Variants in NEBL observed in about 807,000 individuals in gnomAD.
NEBL encodes LIM and SH3 protein 2.
In NEBL, 122 loss-of-function variants were observed where a neutral mutation model predicts 140.2. The ratio of observed to expected loss-of-function variants is 0.87; its 90% CI spans 0.75 to 1.01. The LOEUF is 1.01. NEBL is among the 50% of genes least tolerant of loss of function. The pLI, the probability that NEBL is intolerant of heterozygous loss-of-function variation, is 0.00. For missense variants in NEBL, 1,365 were observed against 1,231.3 expected, an observed-to-expected ratio of 1.11 and a Z score of -1.62; for synonymous variants, 436 against 398.9, an observed-to-expected ratio of 1.09 and a Z score of -1.11.
At chr10:21,137,522 C>T (rs183702573) in intron 2 of NEBL, among the ~76,000 whole-genome samples, 17 of 152,334 alleles carry the variant, frequency 1.1e-4, no homozygotes, top group African/African-American at 4.1e-4. Context: ...TCTAAGAACA[C>T]TACGGCTACT....
chr10:21,020,443 A>G (rs1285062406), intron 2 of NEBL, among the ~76,000 whole-genome samples: 3 of 151,978 alleles, frequency 2.0e-5, no homozygotes, highest in Admixed American at 6.6e-5. Flanking sequence ...TTCTAAGCGC[A>G]TCTTCACCCA....
chr10:20,792,044 A>C (rs1836039430), intron 26 of NEBL, among the ~76,000 whole-genome samples: 1 of 152,054 alleles, frequency 6.6e-6, no homozygotes, highest in Non-Finnish European at 1.5e-5. Flanking sequence ...TTAAGGTTTC[A>C]AGTCATCAAA....
chr10:21,073,223 T>A (rs1378292822), intron 2 of NEBL, among the ~76,000 whole-genome samples: 2 of 151,624 alleles, frequency 1.3e-5, no homozygotes, highest in Non-Finnish European at 1.5e-5. Context: ...TTTAGGAGGC[T>A]GAAGCAGGGG....
intron 26 of NEBL, among the ~76,000 whole-genome samples, chr10:20,787,796 T>C (rs1380594545): frequency 6.6e-6 from 1 of 152,216 alleles, no homozygotes. Flanking sequence ...AAACATAACG[T>C]ATGTTTAGCA....
chr10:21,234,201 G>A (rs998829373), intron 3 of NEBL, among the ~76,000 whole-genome samples: 4 of 152,038 alleles, frequency 2.6e-5, no homozygotes, highest in Non-Finnish European at 5.9e-5. Flanking sequence ...ATTCAGAGAC[G>A]CTGGACCTGA....
rs1283027054 is a variant in NEBL at position 20,897,242 on chromosome 10, C to T, written c.-37G>A. On this transcript the variant is annotated 5_prime_UTR_variant, in exon 1 of 28. Coordinates refer to ENST00000377122, the MANE Select transcript of NEBL (RefSeq NM_006393.3). ...AAAATATTTATATTTTTAAAATTTA[C>T]TCATGTGGCGTCCTTTTCCATACCA... The T allele has an allele frequency of 6.5e-7, 1 of 1,536,350 alleles. No individual in the cohort carries two copies. Among genetic ancestry groups the T allele is most frequent in the East Asian group, 2.5e-5 (1 of 40,696 alleles).
chr10:21,206,919 T>TG (rs1417397778), intron 3 of NEBL, among the ~76,000 whole-genome samples: 3 of 152,068 alleles, frequency 2.0e-5, no homozygotes, highest in Admixed American at 2.0e-4. Flanking sequence ...ATTCCAATGT[T>TG]GGGGATCCTA....
At chr10:21,034,957 TA>T (rs2131815230) in intron 2 of NEBL, among the ~76,000 whole-genome samples, 1 of 128,802 alleles carries the variant, frequency 7.8e-6, no homozygotes, top group South Asian at 2.5e-4. Context: ...TTTATTTATT[TA>T]TTTATTTATT....
At chr10:21,152,689 A>G (rs1315358918) in intron 2 of NEBL, among the ~76,000 whole-genome samples, 1 of 152,188 alleles carries the variant, frequency 6.6e-6, no homozygotes. Context: ...AAGTAATATT[A>G]TACTTGGTTC....
At chr10:20,837,536 G>A (rs1841017400) in intron 13 of NEBL, among the ~76,000 whole-genome samples, 1 of 152,202 alleles carries the variant, frequency 6.6e-6, no homozygotes, top group South Asian at 2.1e-4. Flanking sequence ...GCAAGGTGAA[G>A]CAGCAAGTGC....
intron 2 of NEBL, among the ~76,000 whole-genome samples, chr10:21,152,993 G>C (rs565327477): frequency 1.6e-4 from 25 of 152,240 alleles, no homozygotes; most frequent in African/African-American, 5.5e-4. Flanking sequence ...TTTCAGACTT[G>C]GTGGATTTTA....
chr10:20,788,278 A>T (rs1835607835), intron 26 of NEBL, among the ~76,000 whole-genome samples: 1 of 152,220 alleles, frequency 6.6e-6, no homozygotes, highest in African/African-American at 2.4e-5. Context: ...CTACATTAGT[A>T]AAACTTATAG....
At chr10:21,057,533 A>G (rs889755457) in intron 2 of NEBL, among the ~76,000 whole-genome samples, 1 of 61,564 alleles carries the variant, frequency 1.6e-5, no homozygotes, top group East Asian at 3.5e-4. Flanking sequence ...CTAATAGCCA[A>G]TGAAATTCCT....
At position 21,173,438 on chromosome 10, in the gene NEBL, C is replaced by T. The variant is rs868701707; in HGVS notation, c.69+327G>A. On this transcript the variant is annotated intron_variant, in intron 1 of 6. Transcript: ENST00000417816. This position sits in a 1 kb window ranked among gnomAD's most constrained non-coding sequence, Gnocchi z 5.7. Reference sequence around the variant, plus strand: ...ACGAGTGGAGGTGGAGGGGGCGCGGCTCGCCGAAGTGCCCCCCTGGGTGCC... The same window carrying T: ...ACGAGTGGAGGTGGAGGGGGCGCGGTTCGCCGAAGTGCCCCCCTGGGTGCC... 2.0e-4 allele frequency among the ~76,000 whole-genome samples: 30 copies of T among 152,010 alleles called. No homozygotes were observed. The highest frequency in any genetic ancestry group is 7.0e-4 in the African/African-American group (29 of 41,416).
At chr10:21,055,608 C>T (rs1427936701) in intron 2 of NEBL, among the ~76,000 whole-genome samples, 5 of 152,176 alleles carry the variant, frequency 3.3e-5, no homozygotes, top group African/African-American at 4.8e-5. Flanking sequence ...CTCTGTGTCT[C>T]GGTTCTGTCA....
chr10:20,884,718 T>C (rs1244596831), intron 4 of NEBL, among the ~76,000 whole-genome samples: 2 of 152,246 alleles, frequency 1.3e-5, no homozygotes, highest in Non-Finnish European at 2.9e-5. Flanking sequence ...GTGACCACCG[T>C]GGATGAAACA....
intron 20 of NEBL, chr10:20,818,733 T>C (rs773541900): frequency 2.1e-6 from 2 of 934,358 alleles, no homozygotes; most frequent in Non-Finnish European, 2.6e-6. Context: ...ACCAGGACAA[T>C]GCCCAGTACA....
intron 2 of NEBL, among the ~76,000 whole-genome samples, chr10:21,107,164 T>C (rs1837755953): frequency 6.6e-6 from 1 of 152,242 alleles, no homozygotes; most frequent in South Asian, 2.1e-4. Flanking sequence ...CCTAATTGAA[T>C]ACCCTTTATT....
intron 3 of NEBL, among the ~76,000 whole-genome samples, chr10:21,196,294 G>A (rs1170771672): frequency 1.3e-5 from 2 of 150,500 alleles, no homozygotes; most frequent in Non-Finnish European, 1.5e-5. Context: ...GAGCCACCAC[G>A]CCGGGCCTAT....
Sources: gnomAD v4.1 joint callset for allele counts (sites outside exome capture counted in the v4.1 genomes callset) on GRCh38, gnomAD v4.1.1 for gene constraint, Gnocchi (gnomAD v3.1) non-coding constraint, MANE v1.5 for transcripts, NCBI Gene and HGNC (gene_info 2026-07-23, HGNC 2026-07-21) for gene names.